The following ZDHHC11 variants were observed in gnomAD, a reference collection of about 807,000 sequenced individuals.
ZDHHC11 encodes the protein zDHHC palmitoyltransferase 11.
Under a neutral mutation model 51.3 loss-of-function variants are expected in ZDHHC11, and 44 were observed. The ratio of observed to expected loss-of-function variants is 0.86; its 90% CI spans 0.67 to 1.10. The LOEUF is 1.10. ZDHHC11 is among the 50% of genes least tolerant of loss of function. The probability of loss-of-function intolerance (pLI) is 0.00; values close to 1 mark genes in which losing one functional copy is unlikely to be tolerated. For missense variants in ZDHHC11, 400 were observed against 537.7 expected (o/e 0.74, Z 2.53); for synonymous variants, 163 against 222.0 (o/e 0.73, Z 2.36).
rs539603183 is a variant in ZDHHC11, at chr5:817,503, T to C, written c.1146+2022A>G. On this transcript the variant is annotated intron_variant, in intron 10 of 12. Transcript: ENST00000283441. ...CTTTAAAAACACACTTGAAAAAACA[T>C]AGCTTTTTAATTTGTTTGAAACAGA... Among the ~76,000 whole-genome samples the C allele has an allele frequency of 5.3e-5, 8 of 151,608 alleles. No homozygotes were observed. In the South Asian group the frequency reaches 8.4e-4, roughly 16 times the overall value.
chr5:825,039 A>T, intron 8 of ZDHHC11, 125 bp downstream of exon 8: 2 of 936,564 alleles, frequency 2.1e-6, no homozygotes, highest in South Asian at 2.9e-5. Flanking sequence ...CCATGTGAGC[A>T]GCACCATTGG....
chr5:809,015 G>GACACA (rs1739723124), intron 11 of ZDHHC11, among the ~76,000 whole-genome samples: 7 of 82,708 alleles, frequency 8.5e-5, no homozygotes, highest in African/African-American at 2.3e-4. Flanking sequence ...ACACACACAC[G>GACACA]CACACTATTT....
chr5:842,093 T>G, intron 4 of ZDHHC11: 1 of 986,652 alleles, frequency 1.0e-6, no homozygotes, highest in Non-Finnish European at 1.2e-6. Context: ...CAGAATCATC[T>G]GGAACAGCAA....
chr5:851,885 G>GA (rs1169294219), upstream of ZDHHC11, among the ~76,000 whole-genome samples: 1 of 152,094 alleles, frequency 6.6e-6, no homozygotes, highest in Non-Finnish European at 1.5e-5. Context: ...GCGAAACCCT[G>GA]TCTCTACTAA....
intron 1 of ZDHHC11, among the ~76,000 whole-genome samples, chr5:856,791 CCACA>C (rs1053518567): frequency 8.6e-5 from 13 of 151,418 alleles, no homozygotes; most frequent in African/African-American, 1.9e-4. Context: ...ACCACACAAA[CCACA>C]CACAGAGCAC....
In ZDHHC11 at chr5:801,775, C is replaced by G. The variant is rs144079589; in HGVS notation, c.1182-611G>C. On this transcript the variant is annotated intron_variant, in intron 11 of 12. Coordinates refer to ENST00000283441, the MANE Select transcript of ZDHHC11 (RefSeq NM_024786.3). Reference sequence around the variant, plus strand: ...GCTGAATGTGTCGGGAATTAGACACCAGAAACACGCAAAATTTTGCTTTGA... The same window carrying G: ...GCTGAATGTGTCGGGAATTAGACACGAGAAACACGCAAAATTTTGCTTTGA... 4.8e-4 allele frequency among the ~76,000 whole-genome samples: 72 copies of G among 151,172 alleles called. 3 individuals are homozygous for G. The highest frequency in any genetic ancestry group is 8.1e-4 in the Non-Finnish European group (55 of 67,630).
chr5:832,218 A>G (rs545107933), intron 7 of ZDHHC11, among the ~76,000 whole-genome samples: 1 of 110,130 alleles, frequency 9.1e-6, no homozygotes, highest in South Asian at 2.6e-4. Flanking sequence ...AAAACCAAAC[A>G]TCGTAGTATC....
At chr5:857,596 C>G (rs1748434061) in intron 1 of ZDHHC11, among the ~76,000 whole-genome samples, 1 of 148,068 alleles carries the variant, frequency 6.8e-6, no homozygotes, top group African/African-American at 2.5e-5. Flanking sequence ...CTGTCCTGGT[C>G]CCCATCCTGT....
chr5:829,431 C>T (rs201559114), intron 7 of ZDHHC11, among the ~76,000 whole-genome samples: 12,319 of 139,586 alleles, frequency 0.088, 67 homozygotes, highest in African/African-American at 0.18. Context: ...AAATATACAA[C>T]CCACCTAGAT....
upstream of ZDHHC11, among the ~76,000 whole-genome samples, chr5:853,064 T>G (rs987398115): frequency 0.085 from 2,331 of 27,364 alleles, no homozygotes; most frequent in Middle Eastern, 0.11. Flanking sequence ...GCGAGCCAGG[T>G]GGACAGACCC....
intron 4 of ZDHHC11, chr5:841,618 T>C: frequency 1.0e-6 from 1 of 993,664 alleles, no homozygotes; most frequent in African/African-American, 1.7e-5. Flanking sequence ...CCACTCTGTG[T>C]CCCTGGACCC....
rs544256873 is a variant in ZDHHC11, at chr5:856,181, C to T, written c.-1+2693G>A. On this transcript the variant is annotated intron_variant, in intron 1 of 3. Transcript: ENST00000685990. ...CACACACCATATACCACACAGACCA[C>T]GTACCACACACACCACACACCACAC... Among the ~76,000 whole-genome samples, 6 of 152,022 alleles carry T rather than the reference C, an allele frequency of 3.9e-5. No homozygotes were observed. The South Asian group carries it at 6.2e-4, about 16-fold the overall frequency.
intron 1 of ZDHHC11, chr5:850,160 G>T: frequency 1.7e-6 from 1 of 579,298 alleles, no homozygotes; most frequent in Non-Finnish European, 3.0e-6. Flanking sequence ...TTCCCTCTCC[G>T]GAGCCCCCTC....
At chr5:823,454 G>A (rs1441754391) in intron 8 of ZDHHC11, 1 of 151,556 alleles carries the variant, frequency 6.6e-6, no homozygotes. Flanking sequence ...GGAGTTTCCA[G>A]TTTGTTCCAT....
At chr5:812,627 T>C (rs1332473117) in intron 11 of ZDHHC11, among the ~76,000 whole-genome samples, 1 of 151,226 alleles carries the variant, frequency 6.6e-6, no homozygotes, top group African/African-American at 2.4e-5. Context: ...TTTGGTAAAG[T>C]AAGTAAAAAG....
intron 3 of ZDHHC11, among the ~76,000 whole-genome samples, chr5:846,220 G>A (rs1411493530): frequency 6.6e-6 from 1 of 151,136 alleles, no homozygotes; most frequent in African/African-American, 2.4e-5. Flanking sequence ...GACACATGCT[G>A]TGCTCCAGAC....
At chr5:823,392 G>A (rs1475712215) in intron 8 of ZDHHC11, 22 of 151,244 alleles carry the variant, frequency 1.5e-4, no homozygotes, top group African/African-American at 5.4e-4. Flanking sequence ...GCCTCACCTT[G>A]GCACCTTCCA....
At position 795,725 on chromosome 5, in the gene ZDHHC11, G is replaced by C. The variant is rs1432756544; in HGVS notation, c.*863C>G. The C allele has an allele frequency of 6.5e-6, 1 of 154,358 alleles. No individual in the cohort carries two copies. Among genetic ancestry groups the C allele is most frequent in the Non-Finnish European group, 1.5e-5 (1 of 67,970 alleles). The allele number at this position is 154,358 out of a possible 1,614,324, so 9.6% of individuals were successfully genotyped here. On this transcript the variant is annotated 3_prime_UTR_variant, in exon 13 of 13. Transcript: ENST00000283441. Reference sequence around the variant, plus strand: ...AGGATGCCTCTGGTTCTCTGGTATTGACTCTTTTTGTCTACTAAGATAAGA... The same window carrying C: ...AGGATGCCTCTGGTTCTCTGGTATTCACTCTTTTTGTCTACTAAGATAAGA...
chr5:809,390 C>T (rs1382685431), intron 11 of ZDHHC11, among the ~76,000 whole-genome samples: 6 of 142,744 alleles, frequency 4.2e-5, no homozygotes, highest in Non-Finnish European at 6.0e-5. Flanking sequence ...TGTCATAAAG[C>T]GGAGCCTTTG....
Sources: allele counts gnomAD v4.1 joint callset (sites outside exome capture counted in the v4.1 genomes callset), GRCh38; gene constraint gnomAD v4.1.1; transcripts MANE v1.5; gene names NCBI Gene and HGNC (gene_info 2026-07-23, HGNC 2026-07-21).